Variants in ST6GALNAC3 observed in about 807,000 individuals in gnomAD.
The protein encoded by ST6GALNAC3 is alpha-N-acetylgalactosaminide alpha-2,6-sialyltransferase 3.
A neutral mutation model predicts 32.7 loss-of-function variants in ST6GALNAC3; 25 were observed. That is an observed-to-expected ratio of 0.76 (90% confidence interval 0.56 to 1.07). The LOEUF is 1.07. Among genes scored for constraint, ST6GALNAC3 ranks in the 50% least tolerant of loss-of-function variants. The pLI, the probability that ST6GALNAC3 is intolerant of heterozygous loss-of-function variation, is 0.00. For synonymous variants in ST6GALNAC3, 129 were observed against 133.1 expected (o/e 0.97, Z 0.21); for missense variants, 355 against 382.4 (o/e 0.93, Z 0.60).
chr1:76,166,188 G>A (rs539319977), intron 1 of ST6GALNAC3, among the ~76,000 whole-genome samples: 16 of 152,172 alleles, frequency 1.1e-4, no homozygotes, highest in South Asian at 6.2e-4. Context: ...TGTATATGGC[G>A]GAAGGAAGGG....
rs185866920 is a variant in ST6GALNAC3 at position 76,300,829 on chromosome 1, A to G, written c.19-12976A>G. Among the ~76,000 whole-genome samples, 1,047 of 152,100 alleles carry G rather than the reference A, an allele frequency of 6.9e-3. 36 individuals carry two copies. Among genetic ancestry groups the G allele is most frequent in the Admixed American group, 0.065 (985 of 15,254 alleles). On this transcript the variant is annotated intron_variant, in intron 1 of 4. Coordinates refer to ENST00000328299, the MANE Select transcript of ST6GALNAC3 (RefSeq NM_152996.4). ...GTGAAGTGTGCTTCAGTCAGAACAA[A>G]GCGCTCTGAATCTTCTTGGAGGGGC...
intron 1 of ST6GALNAC3, among the ~76,000 whole-genome samples, chr1:76,115,966 T>G (rs1432955561): frequency 6.6e-6 from 1 of 152,204 alleles, no homozygotes; most frequent in Non-Finnish European, 1.5e-5. Context: ...ACTATGGAAT[T>G]ACATACAAAC....
intron 2 of ST6GALNAC3, among the ~76,000 whole-genome samples, chr1:76,384,030 G>A: frequency 6.6e-6 from 1 of 152,106 alleles, no homozygotes; most frequent in East Asian, 1.9e-4. Context: ...CTGTGAATGT[G>A]TTAGATTTAA....
chr1:76,607,404 G>T (rs542946279), intron 3 of ST6GALNAC3, among the ~76,000 whole-genome samples: 5 of 152,174 alleles, frequency 3.3e-5, no homozygotes, highest in African/African-American at 1.2e-4. Flanking sequence ...CTTACACTGG[G>T]GATGAGGCTG....
At chr1:76,545,094 CT>C (rs774375266) in intron 3 of ST6GALNAC3, among the ~76,000 whole-genome samples, 3 of 152,144 alleles carry the variant, frequency 2.0e-5, no homozygotes, top group Non-Finnish European at 4.4e-5. Flanking sequence ...CAGGAATTAC[CT>C]CATTTTGGTA....
intron 1 of ST6GALNAC3, among the ~76,000 whole-genome samples, chr1:76,120,823 C>T (rs911400592): frequency 5.9e-5 from 9 of 152,162 alleles, no homozygotes; most frequent in South Asian, 2.1e-4. Context: ...AAATTACCAC[C>T]GACATAAAAG....
chr1:76,286,999 T>C (rs997118799), intron 1 of ST6GALNAC3, among the ~76,000 whole-genome samples: 1 of 152,236 alleles, frequency 6.6e-6, no homozygotes, highest in Non-Finnish European at 1.5e-5. Context: ...TGTTCTTCAA[T>C]CTTCTCTGAA....
chr1:76,418,745 C>A (rs1427291745), intron 3 of ST6GALNAC3, among the ~76,000 whole-genome samples: 2 of 151,928 alleles, frequency 1.3e-5, no homozygotes, highest in East Asian at 3.9e-4. Flanking sequence ...ACAAAAAGTT[C>A]ATGCAGCAGT....
At chr1:76,484,988 A>T (rs1289246122) in intron 3 of ST6GALNAC3, among the ~76,000 whole-genome samples, 2 of 152,044 alleles carry the variant, frequency 1.3e-5, no homozygotes, top group Non-Finnish European at 2.9e-5. Context: ...ACCATGTGGT[A>T]GTTGTCTTTG....
Position 76,213,753 on chromosome 1 carries a change from T to C in ST6GALNAC3, c.19-100052T>C, listed in dbSNP as rs1003816399. 2.0e-5 allele frequency among the ~76,000 whole-genome samples: 3 copies of C among 152,200 alleles called. No individual in the cohort carries two copies. In the South Asian group the frequency reaches 6.2e-4, roughly 31 times the overall value. ...TTCCTCTAAATCCTGCCCAGGAGAC[T>C]GCCTTGCCTGGGCATAACCCAGCAG... On this transcript the variant is annotated intron_variant, in intron 1 of 4. Coordinates refer to ENST00000328299, the MANE Select transcript of ST6GALNAC3 (RefSeq NM_152996.4).
intron 3 of ST6GALNAC3, among the ~76,000 whole-genome samples, chr1:76,546,246 C>T (rs1557555164): frequency 6.6e-6 from 1 of 152,108 alleles, no homozygotes. Flanking sequence ...TAGCATAATA[C>T]TCAATAAGTA....
At chr1:76,463,257 G>T (rs1163680783) in intron 3 of ST6GALNAC3, among the ~76,000 whole-genome samples, 3 of 152,048 alleles carry the variant, frequency 2.0e-5, no homozygotes, top group African/African-American at 7.2e-5. Flanking sequence ...TAAAAGTCCC[G>T]CTGCTTTAGG....
chr1:76,111,914 C>A (rs959913740), intron 1 of ST6GALNAC3, among the ~76,000 whole-genome samples: 1 of 152,202 alleles, frequency 6.6e-6, no homozygotes, highest in South Asian at 2.1e-4. Context: ...TCCACAAAAC[C>A]GCCGTTGTCA....
At chr1:76,480,749 A>G (rs1396012495) in intron 3 of ST6GALNAC3, among the ~76,000 whole-genome samples, 1 of 152,166 alleles carries the variant, frequency 6.6e-6, no homozygotes, top group Non-Finnish European at 1.5e-5. Flanking sequence ...GAGATGATAG[A>G]GGTAATAATA....
rs138766524 is a variant in ST6GALNAC3, at chr1:76,368,257, C to G, written c.214-43751C>G. On this transcript the variant is annotated intron_variant, in intron 2 of 4. Coordinates refer to ENST00000328299, the MANE Select transcript of ST6GALNAC3 (RefSeq NM_152996.4). ...TGAATGAATGTGGCTGTGTTTCAAT[C>G]AAACTAAATTTGCAGAAACATGCAG... Among the ~76,000 whole-genome samples the G allele has an allele frequency of 4.4e-3, 669 of 152,312 alleles. 5 individuals are homozygous for G. The highest frequency in any genetic ancestry group is 0.034 in the Middle Eastern group (10 of 294).
rs1438917629 is a variant in ST6GALNAC3 at position 76,525,791 on chromosome 1, G to GTGTA, written c.624-101660_624-101659insGTAT. ...TGTGTTTGTGTGTGTGTGTGTGTGT[G>GTGTA]TATATATATATATATATATATATAT... On this transcript the variant is annotated intron_variant, in intron 3 of 4. Transcript: ENST00000328299. Among the ~76,000 whole-genome samples the GTGTA allele has an allele frequency of 6.3e-3, 478 of 75,504 alleles. 2 individuals carry two copies. The highest frequency in any genetic ancestry group is 0.026 in the East Asian group (38 of 1,442). The allele number at this position is 75,504 out of a possible 152,430, so 49.5% of individuals were successfully genotyped here. A position where few individuals can be genotyped will look rare whatever the true frequency, so the allele number is the denominator to read the frequency against.
intron 1 of ST6GALNAC3, among the ~76,000 whole-genome samples, chr1:76,162,393 G>C (rs1651867271): frequency 6.6e-6 from 1 of 152,212 alleles, no homozygotes; most frequent in Admixed American, 6.5e-5. Flanking sequence ...TTTTGTTTAT[G>C]AGCAGAAGGA....
intron 3 of ST6GALNAC3, among the ~76,000 whole-genome samples, chr1:76,497,509 C>T (rs897415812): frequency 6.6e-6 from 1 of 152,188 alleles, no homozygotes; most frequent in African/African-American, 2.4e-5. Flanking sequence ...TGACTATTCA[C>T]TTTCACTGAG....
At chr1:76,605,793 T>G (rs1647495690) in intron 3 of ST6GALNAC3, among the ~76,000 whole-genome samples, 1 of 126,636 alleles carries the variant, frequency 7.9e-6, no homozygotes, top group Non-Finnish European at 1.6e-5. Context: ...TGAACCCAAG[T>G]GGCAGAGGTT....
Sources: gnomAD v4.1 joint callset for allele counts (sites outside exome capture counted in the v4.1 genomes callset) on GRCh38, gnomAD v4.1.1 for gene constraint, MANE v1.5 for transcripts, NCBI Gene and HGNC (gene_info 2026-07-23, HGNC 2026-07-21) for gene names.